Variants in MCF2L observed in about 807,000 individuals in gnomAD.
The protein encoded by MCF2L is guanine nucleotide exchange factor DBS.
In MCF2L, 97 loss-of-function variants were observed where a neutral mutation model predicts 153.4. The ratio of observed to expected loss-of-function variants is 0.63; its 90% CI spans 0.54 to 0.75. The LOEUF (loss-of-function observed/expected upper bound fraction) is 0.75. MCF2L is among the 30% of genes least tolerant of loss of function. The probability of loss-of-function intolerance (pLI) is 0.00; values close to 1 mark genes in which losing one functional copy is unlikely to be tolerated. For synonymous variants in MCF2L, 659 were observed against 632.2 expected, an observed-to-expected ratio of 1.04 and a Z score of -0.64; for missense variants, 1,347 against 1,495.2, an observed-to-expected ratio of 0.90 and a Z score of 1.64.
rs748835491 is a variant in MCF2L, at chr13:113,076,058, G to A, written c.1401G>A (p.Gln467=). The change falls in exon 12 of 30, where the codon CAG becomes CAA. Residue 467 remains glutamine, a synonymous_variant. Coordinates refer to ENST00000535094, the MANE Select transcript of MCF2L (RefSeq NM_001112732.3). ...QSQDGAEAAL[Q]EIEKFLETGA... Reference sequence around the variant, plus strand: ...AGGACGGCGCGGAGGCTGCCCTCCAGGAAATCGAGAAGTTTTTGGAGACCG... The same window carrying A: ...AGGACGGCGCGGAGGCTGCCCTCCAAGAAATCGAGAAGTTTTTGGAGACCG... 4 of 1,613,988 alleles carry A rather than the reference G, an allele frequency of 2.5e-6. No homozygotes were observed. The highest frequency in any genetic ancestry group is 8.5e-7 in the Non-Finnish European group (1 of 1,180,032).
chr13:113,087,513 A>C, intron 22 of MCF2L, 57 bp downstream of exon 22: 2 of 1,426,438 alleles, frequency 1.4e-6, no homozygotes, highest in Non-Finnish European at 1.9e-6. Flanking sequence ...CGACGGGGGA[A>C]GTCTGTAACT....
At position 113,066,079 on chromosome 13, in the gene MCF2L, A is replaced by G; in HGVS notation, c.790A>G (p.Ser264Gly). The G allele has an allele frequency of 1.9e-6, 3 of 1,613,336 alleles. No homozygotes were observed. Among genetic ancestry groups the G allele is most frequent in the Non-Finnish European group, 1.7e-6 (2 of 1,179,890 alleles). The change falls in exon 8 of 30, where the codon AGT becomes GGT. Residue 264 changes from serine to glycine, a missense_variant. Ser to Gly is a moderately conservative substitution (Grantham distance 56, BLOSUM62 0). This residue lies in a region of MCF2L where 820 missense variants were observed against 921.2 expected (regional missense o/e 0.89). Transcript: ENST00000535094. ...DLRLALKEGH[S>G]VLESLRELQA... ...GAGGCTGGCACTGAAAGAGGGGCAC[A>G]GTGTCCTGGAGAGCCTCAGGGAGCT...
Position 113,064,068 on chromosome 13 carries a change from T to C in MCF2L, c.490-236T>C, listed in dbSNP as rs1459086618. ...AGGAGGGCGCACGGAGTTATCTCCATCATAAGGGCCATAACACACACACGC... is the reference window on the plus strand; with the variant it reads ...AGGAGGGCGCACGGAGTTATCTCCACCATAAGGGCCATAACACACACACGC... On this transcript the variant is annotated intron_variant, in intron 5 of 29. Transcript: ENST00000535094. This position sits in a 1 kb window ranked among gnomAD's most constrained non-coding sequence, Gnocchi z 6.0. Among the ~76,000 whole-genome samples the C allele has an allele frequency of 3.9e-5, 6 of 152,086 alleles. No homozygotes were observed. Among genetic ancestry groups the C allele is most frequent in the Non-Finnish European group, 8.8e-5 (6 of 68,020 alleles).
At chr13:112,966,076 C>A, upstream of MCF2L, 1 of 152,366 alleles carries the variant, frequency 6.6e-6, no homozygotes, top group Non-Finnish European at 1.5e-5. This position sits in a 1 kb window ranked among gnomAD's most constrained non-coding sequence, Gnocchi z 4.1. Context: ...TCTCCCAGCT[C>A]TCTGTAAAGA....
chr13:112,969,154 C>T, upstream of MCF2L: 1 of 425,378 alleles, frequency 2.4e-6, no homozygotes, highest in Non-Finnish European at 3.4e-6. The surrounding 1 kb of genome is among the most constrained non-coding windows in gnomAD (Gnocchi z 4.8). Context: ...GCGCCGCTTC[C>T]GCTTCCGCCG....
intron 4 of MCF2L, among the ~76,000 whole-genome samples, chr13:113,058,100 G>A (rs1300180009): frequency 1.3e-5 from 2 of 148,394 alleles, no homozygotes; most frequent in African/African-American, 5.0e-5. Context: ...GAGTGTTTGG[G>A]CGCTGAGTGT....
upstream of MCF2L, chr13:112,968,518 C>T (rs1022660298): frequency 8.9e-6 from 14 of 1,574,506 alleles, no homozygotes; most frequent in Non-Finnish European, 1.2e-5. Context: ...TCACTGGGTC[C>T]TGCGTCCTTG....
chr13:112,974,505 G>A (rs1389229286), intron 1 of MCF2L, among the ~76,000 whole-genome samples: 6 of 152,188 alleles, frequency 3.9e-5, no homozygotes, highest in Non-Finnish European at 8.8e-5. Flanking sequence ...AAAGTGCATG[G>A]ATTTTAGGGG....
intron 5 of MCF2L, chr13:113,063,795 C>T (rs1427925207): frequency 9.1e-6 from 4 of 441,752 alleles, no homozygotes; most frequent in Admixed American, 2.4e-5. Flanking sequence ...CACTGAAACA[C>T]GGACACACAC....
Position 113,096,954 on chromosome 13 carries a change from C to A in MCF2L, c.*95C>A. 1 of 895,802 alleles carries A rather than the reference C, an allele frequency of 1.1e-6. No individual in the cohort carries two copies. The highest frequency in any genetic ancestry group is 1.5e-6 in the Non-Finnish European group (1 of 663,332). The allele number at this position is 895,802 out of a possible 1,614,324, so 55.5% of individuals were successfully genotyped here. ...GACGCCCCGAGGAAGGGGCACCTCA[C>A]CGCCCCCACCCAGAGCGCCTGGCCG... is the stretch of plus-strand genomic sequence containing the variant. On this transcript the variant is annotated 3_prime_UTR_variant, in exon 30 of 30. Transcript: ENST00000535094.
Position 113,065,090 on chromosome 13 carries a change from AT to A in MCF2L, c.756+6del, listed in dbSNP as rs755967048. 6 of 1,401,178 alleles carry A rather than the reference AT, an allele frequency of 4.3e-6. No individual in the cohort carries two copies. In the African/African-American group the frequency reaches 9.9e-5, roughly 23 times the overall value. The allele number at this position is 1,401,178 out of a possible 1,614,324, so 86.8% of individuals were successfully genotyped here. On this transcript the variant is annotated splice_donor_region_variant and intron_variant, in intron 7 of 29. Coordinates refer to ENST00000535094, the MANE Select transcript of MCF2L (RefSeq NM_001112732.3). ...GAGAAGAAGGACAAGGCGAAGGTAC[AT>A]GGGGGGTGCTCCGGCTGGAAGCTGT...
chr13:113,033,281 C>T (rs1271186446), intron 3 of MCF2L, among the ~76,000 whole-genome samples: 1 of 136,548 alleles, frequency 7.3e-6, no homozygotes. Flanking sequence ...GTGAGTGGCC[C>T]CTGTGACATT....
chr13:112,996,508 C>T (rs1193572505), intron 1 of MCF2L, among the ~76,000 whole-genome samples: 2 of 152,318 alleles, frequency 1.3e-5, no homozygotes, highest in African/African-American at 2.4e-5. Flanking sequence ...CCACCCAGAA[C>T]GTCGCAAATG....
chr13:112,908,417 A>T (rs1261265495), intron 2 of MCF2L, among the ~76,000 whole-genome samples: 2 of 152,220 alleles, frequency 1.3e-5, no homozygotes, highest in South Asian at 4.1e-4. Flanking sequence ...AACCAGGAGT[A>T]ACTGTTCTGA....
chr13:112,912,415 C>T (rs1205376219), intron 2 of MCF2L, among the ~76,000 whole-genome samples: 1 of 152,000 alleles, frequency 6.6e-6, no homozygotes, highest in Non-Finnish European at 1.5e-5. Flanking sequence ...CTCCTGGGTT[C>T]AAGCAATTCT....
In MCF2L at chr13:113,060,140, C is replaced by T. The variant is rs192907608; in HGVS notation, c.370-453C>T. ...CTCCCTGGGTGTGGAAGCACCGCCCCGGCCTCCACCAGCAAATTCTCTGGG... is the reference window on the plus strand; with the variant it reads ...CTCCCTGGGTGTGGAAGCACCGCCCTGGCCTCCACCAGCAAATTCTCTGGG... On this transcript the variant is annotated intron_variant, in intron 4 of 29. Transcript: ENST00000535094. 2.5e-3 allele frequency among the ~76,000 whole-genome samples: 376 copies of T among 152,294 alleles called. 1 individual carries two copies. Among genetic ancestry groups the T allele is most frequent in the African/African-American group, 8.3e-3 (345 of 41,568 alleles).
At chr13:113,056,776 A>AGTATTTAGGTGCTGT in intron 4 of MCF2L, among the ~76,000 whole-genome samples, 1 of 95,342 alleles carries the variant, frequency 1.0e-5, no homozygotes, top group African/African-American at 4.6e-5. Context: ...TTGGGTGCTG[A>AGTATTTAGGTGCTGT]GTGTTTTGGC....
rs959070470 is a variant in MCF2L, at chr13:113,096,436, G to A, written c.3141G>A (p.Arg1047=). The change falls in exon 28 of 30, where the codon AGG becomes AGA. Residue 1047 remains arginine (R), a synonymous_variant. Coordinates refer to ENST00000535094, the MANE Select transcript of MCF2L (RefSeq NM_001112732.3). The stretch of plus-strand genomic sequence containing the variant: ...GAGGCCCCGATGCGCTGCGCGTGAG[G>A]AGCGGGGACGTGGTGGAGCTGGTGC... ...EKGGPDALRV[R]SGDVVELVQE... 21 of 1,595,476 alleles carry A rather than the reference G, an allele frequency of 1.3e-5. No individual in the cohort carries two copies. Among genetic ancestry groups the A allele is most frequent in the Non-Finnish European group, 1.6e-5 (19 of 1,172,292 alleles).
chr13:112,920,587 C>T (rs1239587015), intron 2 of MCF2L, among the ~76,000 whole-genome samples: 2 of 151,966 alleles, frequency 1.3e-5, no homozygotes, highest in African/African-American at 4.8e-5. Context: ...GGCCTGCTGC[C>T]CTGCGGTTAC....
Sources: gnomAD v4.1 joint callset for allele counts (sites outside exome capture counted in the v4.1 genomes callset) on GRCh38, gnomAD v4.1.1 for gene constraint, gnomAD v4.1.1 regional missense constraint, Gnocchi (gnomAD v3.1) non-coding constraint, MANE v1.5 for transcripts, NCBI Gene and HGNC (gene_info 2026-07-23, HGNC 2026-07-21) for gene names.